The following GSE1 variants were observed in gnomAD, a reference collection of about 807,000 sequenced individuals.
GSE1 encodes the protein Gse1 coiled-coil protein, also known as genetic suppressor element 1.
A neutral mutation model predicts 112.6 loss-of-function variants in GSE1; 32 were observed. The observed-to-expected ratio is 0.28, with a 90% CI of 0.21 to 0.38. The LOEUF (loss-of-function observed/expected upper bound fraction) is 0.38. Ranked by LOEUF, GSE1 falls within the 10% of genes least tolerant of loss-of-function variation. GSE1 has a pLI of 1.00. For missense variants in GSE1, 2,348 were observed against 1,699.2 expected, an observed-to-expected ratio of 1.38 and a Z score of -6.71; for synonymous variants, 1,115 against 735.6, an observed-to-expected ratio of 1.52 and a Z score of -8.35.
upstream of GSE1, chr16:85,555,535 G>C (rs1367332231): frequency 3.1e-6 from 3 of 983,370 alleles, no homozygotes; most frequent in African/African-American, 3.5e-5. Flanking sequence ...TTGGCTGTTT[G>C]GGTATTAATT....
At chr16:85,450,480 C>A (rs952417351) in intron 2 of GSE1, among the ~76,000 whole-genome samples, 1 of 150,826 alleles carries the variant, frequency 6.6e-6, no homozygotes, top group Non-Finnish European at 1.5e-5. Context: ...GACAGAGTCG[C>A]ACTCTGTCAC....
rs117719499 is a variant in GSE1 at position 85,223,955 on chromosome 16, C to G, written c.2283+52148C>G. 9.2e-3 allele frequency among the ~76,000 whole-genome samples: 1,401 copies of G among 152,242 alleles called. 11 individuals carry two copies. Among genetic ancestry groups the G allele is most frequent in the Non-Finnish European group, 0.016 (1,082 of 68,022 alleles). On this transcript the variant is annotated intron_variant, in intron 1 of 2. Transcript: ENST00000637419. ...ACAGTTCAGTGACATTTAGCCCATT[C>G]ACAAGGCCGTGCAACCACCACTTCC...
intron 1 of GSE1, among the ~76,000 whole-genome samples, chr16:85,323,224 T>A (rs372383639): frequency 1.3e-5 from 2 of 152,108 alleles, no homozygotes; most frequent in Non-Finnish European, 1.5e-5. Flanking sequence ...CATGGTTCAA[T>A]AGAGCGTTTT....
chr16:85,612,281 G>C (rs988729398), upstream of GSE1, among the ~76,000 whole-genome samples: 5 of 152,048 alleles, frequency 3.3e-5, no homozygotes, highest in Non-Finnish European at 1.5e-5. Flanking sequence ...GGAGCCGGGG[G>C]GTGGGAAGGC....
intron 6 of GSE1, 98 bp downstream of exon 6, chr16:85,656,015 C>A: frequency 3.3e-6 from 3 of 913,570 alleles, no homozygotes; most frequent in East Asian, 2.6e-5. Context: ...GACTCCTTGG[C>A]CATGCCTGTC....
chr16:85,366,738 TAAAAA>T (rs1027697113), intron 2 of GSE1, among the ~76,000 whole-genome samples: 9 of 151,920 alleles, frequency 5.9e-5, no homozygotes, highest in Non-Finnish European at 1.0e-4. Flanking sequence ...TTGTATGAAA[TAAAAA>T]AGAAAAGAGA....
intron 1 of GSE1, among the ~76,000 whole-genome samples, chr16:85,597,471 T>A (rs1345695026): frequency 1.3e-5 from 2 of 152,000 alleles, no homozygotes; most frequent in Non-Finnish European, 2.9e-5. Context: ...AAATTAAATT[T>A]AATTAATTTG....
At chr16:85,464,564 G>A (rs1032935122) in intron 2 of GSE1, among the ~76,000 whole-genome samples, 1 of 152,238 alleles carries the variant, frequency 6.6e-6, no homozygotes, top group African/African-American at 2.4e-5. Context: ...CGGTGTCTGG[G>A]AGTCTCTGTT....
chr16:85,256,998 T>C (rs1045134711), intron 1 of GSE1, among the ~76,000 whole-genome samples: 7 of 151,168 alleles, frequency 4.6e-5, no homozygotes, highest in African/African-American at 2.5e-5. Context: ...GTGCTGCTCT[T>C]GTTATTAGCC....
intron 2 of GSE1, among the ~76,000 whole-genome samples, chr16:85,496,470 A>G (rs888555740): frequency 3.9e-5 from 6 of 152,198 alleles, no homozygotes; most frequent in African/African-American, 1.4e-4. Flanking sequence ...GAGACCAGCA[A>G]AGGGTGCTGG....
At chr16:85,521,196 G>C (rs146862704) in intron 2 of GSE1, among the ~76,000 whole-genome samples, 382 of 152,316 alleles carry the variant, frequency 2.5e-3, no homozygotes, top group African/African-American at 8.7e-3. Flanking sequence ...TGTGGTCCCG[G>C]GGCAGGGTCA....
chr16:85,260,319 C>CTTTTTTTTTTTTTTTTTTTTT lies in GSE1; in HGVS notation c.2283+88514_2283+88534dup, dbSNP rs111292010. ...TATTTTTCCTTTTTCTTTTTCTTTTCTTTTTTTTTTTTTTTTTTTTTTGAG... is the reference window on the plus strand; with the variant it reads ...TATTTTTCCTTTTTCTTTTTCTTTTCTTTTTTTTTTTTTTTTTTTTTTTTTTTTTTTTTTTTTTTTTTTGAG... On this transcript the variant is annotated intron_variant, in intron 1 of 2. Transcript: ENST00000637419. 6.0e-4 allele frequency among the ~76,000 whole-genome samples: 57 copies of CTTTTTTTTTTTTTTTTTTTTT among 94,864 alleles called. 1 individual carries two copies. Among genetic ancestry groups the CTTTTTTTTTTTTTTTTTTTTT allele is most frequent in the African/African-American group, 1.3e-3 (29 of 21,972 alleles). The allele number at this position is 94,864 out of a possible 152,430, so 62.2% of individuals were successfully genotyped here.
upstream of GSE1, among the ~76,000 whole-genome samples, chr16:85,554,442 G>GGC (rs1332498952): frequency 1.3e-5 from 2 of 152,168 alleles, no homozygotes; most frequent in Non-Finnish European, 2.9e-5. Flanking sequence ...CCCAGTAATA[G>GGC]CATTTATTAG....
intron 2 of GSE1, among the ~76,000 whole-genome samples, chr16:85,438,371 A>G (rs1160012749): frequency 6.6e-6 from 1 of 152,058 alleles, no homozygotes; most frequent in Non-Finnish European, 1.5e-5. Flanking sequence ...GAGGGACAGG[A>G]GGCGGAGGGG....
intron 2 of GSE1, among the ~76,000 whole-genome samples, chr16:85,644,008 C>A (rs145154921): frequency 2.0e-5 from 3 of 152,034 alleles, no homozygotes; most frequent in African/African-American, 7.3e-5. Flanking sequence ...GGGTTTGGGC[C>A]GGGTGCACAG....
At chr16:85,226,491 A>G (rs9319460) in intron 1 of GSE1, among the ~76,000 whole-genome samples, 82,104 of 152,078 alleles carry the variant, frequency 0.54, 22,477 homozygotes, top group African/African-American at 0.62. Context: ...TGCTGGCAGC[A>G]TGTGACTCTG....
intron 1 of GSE1, among the ~76,000 whole-genome samples, chr16:85,190,966 A>G (rs992825941): frequency 6.6e-6 from 1 of 152,222 alleles, no homozygotes; most frequent in South Asian, 2.1e-4. Flanking sequence ...TAAAAGATAT[A>G]TATATTTTAG....
intron 2 of GSE1, among the ~76,000 whole-genome samples, chr16:85,468,210 G>A (rs1014907947): frequency 6.6e-6 from 1 of 151,858 alleles, no homozygotes; most frequent in African/African-American, 2.4e-5. Context: ...GAGGAACAGG[G>A]AATATTCGAG....
At chr16:85,492,952 G>A (rs1326984292) in intron 2 of GSE1, among the ~76,000 whole-genome samples, 2 of 152,202 alleles carry the variant, frequency 1.3e-5, no homozygotes, top group South Asian at 4.1e-4. Context: ...TGGGGTTGGC[G>A]ATACACGTCC....
Sources: allele counts gnomAD v4.1 joint callset (sites outside exome capture counted in the v4.1 genomes callset), GRCh38; gene constraint gnomAD v4.1.1; transcripts MANE v1.5; gene names NCBI Gene and HGNC (gene_info 2026-07-23, HGNC 2026-07-21).